Variants in ACACA observed in about 807,000 individuals in gnomAD.
ACACA encodes acetyl-CoA carboxylase 1.
ACACA carries 103 observed loss-of-function variants against 296.1 expected under a neutral mutation model. The observed-to-expected ratio is 0.35, with a 90% CI of 0.30 to 0.41. The LOEUF is 0.41. Among genes scored for constraint, ACACA ranks in the 10% least tolerant of loss-of-function variants. The pLI is 1.00. For missense variants in ACACA, 1,554 were observed against 2,989.7 expected (o/e 0.52, Z 11.20); for synonymous variants, 953 against 1,038.6 (o/e 0.92, Z 1.58).
Position 37,192,430 on chromosome 17 carries a change from A to G in ACACA, c.4201-125T>C, listed in dbSNP as rs560833685. ...AGCTATGATGTGCTAATGAGCAACA[A>G]AAATGAGCTACATTCAAGGCTAATG... On this transcript the variant is annotated intron_variant, in intron 36 of 55. Transcript: ENST00000616317. The G allele has an allele frequency of 1.1e-4, 99 of 877,180 alleles. No homozygotes were observed. The South Asian group carries it at 1.4e-3, about 13-fold the overall frequency. 54.3% of individuals were successfully genotyped at this position (877,180 alleles called of 1,614,324 possible). A position where few individuals can be genotyped will look rare whatever the true frequency, so the allele number is the denominator to read the frequency against.
intron 3 of ACACA, 77 bp from the exon 4 acceptor site, chr17:37,285,047 G>A (rs768395885): frequency 1.3e-6 from 2 of 1,556,788 alleles, no homozygotes; most frequent in Non-Finnish European, 1.8e-6. Context: ...ACCCATAACA[G>A]TACTTTCACA....
intron 51 of ACACA, among the ~76,000 whole-genome samples, chr17:37,112,708 G>T (rs970748023): frequency 2.0e-5 from 3 of 152,140 alleles, no homozygotes; most frequent in Admixed American, 6.5e-5. Context: ...AGAAGCGGGC[G>T]GTCCACTAAA....
At chr17:37,129,935 G>C in intron 46 of ACACA, 140 bp downstream of exon 46, 1 of 1,263,940 alleles carries the variant, frequency 7.9e-7, no homozygotes, top group Admixed American at 1.8e-5. Context: ...AAGGAAAAGA[G>C]AAATCAATAG....
intron 2 of ACACA, among the ~76,000 whole-genome samples, chr17:37,338,301 A>G (rs2048227018): frequency 6.6e-6 from 1 of 151,542 alleles, no homozygotes; most frequent in Admixed American, 6.6e-5. Flanking sequence ...TTCTCCCTTG[A>G]AATATTAGGT....
chr17:37,274,747 T>C, intron 8 of ACACA: 1 of 837,712 alleles, frequency 1.2e-6, no homozygotes, highest in South Asian at 5.5e-5. Flanking sequence ...TTCCATGCTC[T>C]CTGAACGTCC....
chr17:37,301,675 T>C (rs948753832), intron 3 of ACACA, among the ~76,000 whole-genome samples: 1 of 152,244 alleles, frequency 6.6e-6, no homozygotes, highest in African/African-American at 2.4e-5. Flanking sequence ...ATGCCTAGCC[T>C]TGAAGCAATG....
Position 37,240,464 on chromosome 17 carries a change from GAA to G in ACACA, c.3121+10_3121+11del. The G allele has an allele frequency of 6.2e-7, 1 of 1,612,286 alleles. No individual in the cohort carries two copies. Among genetic ancestry groups the G allele is most frequent in the Non-Finnish European group, 8.5e-7 (1 of 1,179,226 alleles). On this transcript the variant is annotated intron_variant, in intron 24 of 55. Coordinates refer to ENST00000616317, the MANE Select transcript of ACACA (RefSeq NM_198834.3). Reference sequence around the variant, plus strand: ...GCTTTCTTAGCTAGAGAGTCCTCAGGAAGAGGCTTACCATTCTGGAATTGTGT... The same window carrying G: ...GCTTTCTTAGCTAGAGAGTCCTCAGGGAGGCTTACCATTCTGGAATTGTGT...
chr17:37,174,010 A>ATTTTTTTTT (rs1373844954), intron 41 of ACACA, among the ~76,000 whole-genome samples: 1 of 12,198 alleles, frequency 8.2e-5, no homozygotes, highest in African/African-American at 4.3e-4. Context: ...ATATATATAT[A>ATTTTTTTTT]TATATATATA....
chr17:37,308,187 C>T (rs2083969436), intron 3 of ACACA, among the ~76,000 whole-genome samples: 1 of 152,082 alleles, frequency 6.6e-6, no homozygotes, highest in African/African-American at 2.4e-5. Flanking sequence ...ATAAAATCCA[C>T]AAGTGTCTTG....
intron 19 of ACACA, among the ~76,000 whole-genome samples, chr17:37,246,257 A>G (rs2146006311): frequency 6.6e-6 from 1 of 152,310 alleles, no homozygotes; most frequent in East Asian, 1.9e-4. Flanking sequence ...CTGGATAGCC[A>G]GCAGTTAGGA....
chr17:37,285,085 G>T, intron 3 of ACACA, 115 bp from the exon 4 acceptor site: 1 of 1,184,340 alleles, frequency 8.4e-7, no homozygotes, highest in South Asian at 1.3e-5. Flanking sequence ...CTGCATGCTG[G>T]CAGGTCACGT....
intron 45 of ACACA, among the ~76,000 whole-genome samples, chr17:37,134,578 A>G (rs185446087): frequency 6.6e-6 from 1 of 152,292 alleles, no homozygotes; most frequent in East Asian, 1.9e-4. Context: ...GATGTGAAAA[A>G]TTATCATGCA....
At chr17:37,281,262 T>C (rs1174119360) in intron 5 of ACACA, among the ~76,000 whole-genome samples, 1 of 151,974 alleles carries the variant, frequency 6.6e-6, no homozygotes, top group African/African-American at 2.4e-5. Flanking sequence ...TTTCATCATG[T>C]TGACCAGGCT....
intron 30 of ACACA, among the ~76,000 whole-genome samples, chr17:37,209,656 A>G (rs2078661385): frequency 6.6e-6 from 1 of 152,234 alleles, no homozygotes; most frequent in Non-Finnish European, 1.5e-5. Flanking sequence ...TTAATATTTT[A>G]AAGGGAGAGG....
chr17:37,397,645 C>T (rs928300987), intron 1 of ACACA, among the ~76,000 whole-genome samples: 3 of 152,120 alleles, frequency 2.0e-5, no homozygotes, highest in Non-Finnish European at 2.9e-5. Context: ...ATTATTACAA[C>T]ACTTTTCTTT....
rs370014421 is a variant in ACACA at position 37,381,956 on chromosome 17, A to G, written c.38+24306T>C. Among the ~76,000 whole-genome samples the G allele has an allele frequency of 2.0e-4, 30 of 152,182 alleles. No individual in the cohort carries two copies. In the East Asian group the frequency reaches 5.4e-3, roughly 27 times the overall value. On this transcript the variant is annotated intron_variant, in intron 1 of 55. Transcript: ENST00000616317. The stretch of plus-strand genomic sequence containing the variant: ...CTCTTCTATATTCTACTAGCCCCCT[A>G]TTGATATATATTTTGGTCGTTTCCA...
At chr17:37,249,535 G>C (rs2080879696) in intron 16 of ACACA, among the ~76,000 whole-genome samples, 1 of 151,980 alleles carries the variant, frequency 6.6e-6, no homozygotes, top group South Asian at 2.1e-4. Context: ...TCTGTTTTTT[G>C]ACAGTGGGCA....
intron 41 of ACACA, among the ~76,000 whole-genome samples, chr17:37,176,852 A>G (rs1449789334): frequency 2.0e-5 from 3 of 152,172 alleles, no homozygotes; most frequent in Non-Finnish European, 4.4e-5. Flanking sequence ...GCTAAGGCCA[A>G]TGACTGACTT....
chr17:37,158,044 T>C (rs1383572846), intron 42 of ACACA, among the ~76,000 whole-genome samples: 2 of 152,152 alleles, frequency 1.3e-5, no homozygotes, highest in Non-Finnish European at 2.9e-5. Context: ...TGATTTACTG[T>C]TTAGATGGAT....
Sources: allele counts gnomAD v4.1 joint callset (sites outside exome capture counted in the v4.1 genomes callset), GRCh38; gene constraint gnomAD v4.1.1; transcripts MANE v1.5; gene names NCBI Gene and HGNC (gene_info 2026-07-23, HGNC 2026-07-21).